NSMCE2: variants seen among roughly 807,000 people sequenced by gnomAD.
The protein encoded by NSMCE2 is E3 SUMO-protein ligase NSE2.
A neutral mutation model predicts 23.8 loss-of-function variants in NSMCE2; 24 were observed. That is an observed-to-expected ratio of 1.01 (90% CI 0.73 to 1.42). The LOEUF (loss-of-function observed/expected upper bound fraction) is 1.42, where lower values mean the gene tolerates loss of function less well. Among genes scored for constraint, NSMCE2 ranks in the 40% most tolerant of loss-of-function variants. The pLI is 0.00. For missense variants in NSMCE2, 284 were observed against 296.5 expected (o/e 0.96, Z 0.31); for synonymous variants, 92 against 94.1 (o/e 0.98, Z 0.13).
chr8:125,313,207 AAAG>A (rs963977724), intron 5 of NSMCE2, among the ~76,000 whole-genome samples: 3 of 151,108 alleles, frequency 2.0e-5, no homozygotes, highest in African/African-American at 7.3e-5. Flanking sequence ...AGAGAGAAAG[AAAG>A]AAAGAAAAGA....
At chr8:125,199,724 A>C (rs1823783164) in intron 5 of NSMCE2, among the ~76,000 whole-genome samples, 2 of 152,092 alleles carry the variant, frequency 1.3e-5, no homozygotes, top group African/African-American at 4.8e-5. Flanking sequence ...CAAGTCCTGG[A>C]TATCCTTGTT....
intron 5 of NSMCE2, among the ~76,000 whole-genome samples, chr8:125,273,398 CAG>C (rs1207806926): frequency 6.6e-6 from 1 of 152,152 alleles, no homozygotes; most frequent in Non-Finnish European, 1.5e-5. Context: ...TTATGGAAAA[CAG>C]TGTGCGGTAA....
chr8:125,237,233 T>C (rs1413852440), intron 5 of NSMCE2, among the ~76,000 whole-genome samples: 2 of 152,040 alleles, frequency 1.3e-5, no homozygotes, highest in African/African-American at 4.8e-5. Flanking sequence ...TAGATTAAGG[T>C]CAAGAGAGGC....
In NSMCE2 at chr8:125,366,732, A is replaced by G. The variant is rs768982743; in HGVS notation, c.627-36A>G. The G allele has an allele frequency of 4.1e-6, 5 of 1,228,634 alleles. No individual in the cohort carries two copies. The African/African-American group carries it at 6.0e-5, about 15-fold the overall frequency. The allele number at this position is 1,228,634 out of a possible 1,614,324, so 76.1% of individuals were successfully genotyped here. On this transcript the variant is annotated intron_variant, in intron 7 of 7. Transcript: ENST00000287437. ...AAAAGAAGTTTCTGCTTAAGGCAGT[A>G]AAGGGGACTGACTTGATGTTCTTTC...
At chr8:125,312,700 G>A (rs1462871215) in intron 5 of NSMCE2, among the ~76,000 whole-genome samples, 1 of 152,196 alleles carries the variant, frequency 6.6e-6, no homozygotes, top group Non-Finnish European at 1.5e-5. Context: ...AGCAGACTGA[G>A]GTGGTAGAAA....
At chr8:125,280,495 C>G (rs1827646856) in intron 5 of NSMCE2, among the ~76,000 whole-genome samples, 1 of 152,208 alleles carries the variant, frequency 6.6e-6, no homozygotes, top group Non-Finnish European at 1.5e-5. Flanking sequence ...AGCAATAAAG[C>G]TGAGTTGACT....
Position 125,239,666 on chromosome 8 carries a change from C to CAAA in NSMCE2, c.418+57414_418+57416dup, listed in dbSNP as rs548217976. 3.4e-5 allele frequency among the ~76,000 whole-genome samples: 5 copies of CAAA among 146,736 alleles called. No homozygotes were observed. In the South Asian group the frequency reaches 1.1e-3, roughly 32 times the overall value. ...CACTATTAAATGTTATGTGCTGATA[C>CAAA]AAAAAATTACAAATTTAAAAAGAAA... On this transcript the variant is annotated intron_variant, in intron 5 of 7. Transcript: ENST00000287437.
rs537762985 is a variant in NSMCE2 at position 125,138,155 on chromosome 8, T to TCAG, written c.158-13012_158-13010dup. Among the ~76,000 whole-genome samples the TCAG allele has an allele frequency of 1.5e-4, 23 of 152,320 alleles. No homozygotes were observed. In the South Asian group the frequency reaches 4.6e-3, roughly 30 times the overall value. On this transcript the variant is annotated intron_variant, in intron 3 of 7. Transcript: ENST00000287437. ...AGTTTTGCATTTTAGATTGTAAAAGTCAGCAGTACTAATATAGGAAGGGAG... is the reference window on the plus strand; with the variant it reads ...AGTTTTGCATTTTAGATTGTAAAAGTCAGCAGCAGTACTAATATAGGAAGGGAG...
chr8:125,280,148 T>C (rs1281556997), intron 5 of NSMCE2, among the ~76,000 whole-genome samples: 1 of 152,192 alleles, frequency 6.6e-6, no homozygotes, highest in Non-Finnish European at 1.5e-5. Context: ...GAAAAGATGA[T>C]TTTTTAAAGC....
chr8:125,108,475 C>T (rs1356962046), intron 3 of NSMCE2, among the ~76,000 whole-genome samples: 3 of 152,230 alleles, frequency 2.0e-5, no homozygotes, highest in East Asian at 3.8e-4. Flanking sequence ...AGTCCTAACT[C>T]TGTCATAAGT....
intron 5 of NSMCE2, among the ~76,000 whole-genome samples, chr8:125,286,621 A>G (rs984468063): frequency 1.3e-5 from 2 of 151,972 alleles, no homozygotes; most frequent in African/African-American, 4.8e-5. Flanking sequence ...CCCAAATAAC[A>G]TCTTTTATGT....
chr8:125,239,352 T>TA (rs1273408019), intron 5 of NSMCE2, among the ~76,000 whole-genome samples: 1 of 152,098 alleles, frequency 6.6e-6, no homozygotes, highest in Non-Finnish European at 1.5e-5. Context: ...ATCACTCCTG[T>TA]AATCCCAACA....
intron 5 of NSMCE2, among the ~76,000 whole-genome samples, chr8:125,294,116 A>G (rs150830901): frequency 1.5e-3 from 227 of 152,316 alleles, no homozygotes; most frequent in African/African-American, 5.3e-3. Flanking sequence ...AGGTTTATCC[A>G]TGTTGTAGCA....
At chr8:125,139,770 C>T (rs1284696051) in intron 3 of NSMCE2, among the ~76,000 whole-genome samples, 1 of 152,138 alleles carries the variant, frequency 6.6e-6, no homozygotes, top group Non-Finnish European at 1.5e-5. Flanking sequence ...ACTATATCAT[C>T]TTCCCACATA....
intron 5 of NSMCE2, among the ~76,000 whole-genome samples, chr8:125,250,401 A>C (rs1826156757): frequency 6.6e-6 from 1 of 152,188 alleles, no homozygotes; most frequent in Admixed American, 6.5e-5. Context: ...TCCAAAAAAG[A>C]TGTGTTATAG....
intron 5 of NSMCE2, among the ~76,000 whole-genome samples, chr8:125,310,288 T>G (rs1356827777): frequency 6.6e-6 from 1 of 152,140 alleles, no homozygotes; most frequent in African/African-American, 2.4e-5. Context: ...CTGTCAGATT[T>G]GGGGCAAGTT....
chr8:125,258,719 G>A (rs903407781), intron 5 of NSMCE2, among the ~76,000 whole-genome samples: 1 of 152,210 alleles, frequency 6.6e-6, no homozygotes, highest in Non-Finnish European at 1.5e-5. Flanking sequence ...AAGAGGATGA[G>A]GGTAATGGAG....
intron 3 of NSMCE2, among the ~76,000 whole-genome samples, chr8:125,141,584 G>T (rs141075801): frequency 1.3e-5 from 2 of 152,256 alleles, no homozygotes; most frequent in African/African-American, 2.4e-5. Flanking sequence ...ATAGGTGCAG[G>T]GTGCCTGGCA....
chr8:125,235,559 T>G (rs1825508392), intron 5 of NSMCE2, among the ~76,000 whole-genome samples: 1 of 152,156 alleles, frequency 6.6e-6, no homozygotes, highest in African/African-American at 2.4e-5. Flanking sequence ...TATAGATGTA[T>G]ATATAGATAC....
Sources: allele counts gnomAD v4.1 joint callset (sites outside exome capture counted in the v4.1 genomes callset), GRCh38; gene constraint gnomAD v4.1.1; transcripts MANE v1.5; gene names NCBI Gene and HGNC (gene_info 2026-07-23, HGNC 2026-07-21).